The following COL25A1 variants were observed in gnomAD, a reference collection of about 807,000 sequenced individuals.
COL25A1 encodes the protein collagen alpha-1(XXV) chain.
In COL25A1, 103 loss-of-function variants were observed where a neutral mutation model predicts 128.4. The observed-to-expected ratio is 0.80, with a 90% CI of 0.68 to 0.94. COL25A1 has a LOEUF of 0.94. Among genes scored for constraint, COL25A1 ranks in the 40% least tolerant of loss-of-function variants. The probability of loss-of-function intolerance (pLI) is 0.00; values close to 1 mark genes in which losing one functional copy is unlikely to be tolerated. For synonymous variants in COL25A1, 279 were observed against 277.2 expected, an observed-to-expected ratio of 1.01 and a Z score of -0.06; for missense variants, 745 against 840.0, an observed-to-expected ratio of 0.89 and a Z score of 1.40.
intron 33 of COL25A1, among the ~76,000 whole-genome samples, chr4:108,826,815 G>A (rs941529768): frequency 1.3e-5 from 2 of 152,022 alleles, no homozygotes; most frequent in Non-Finnish European, 2.9e-5. Flanking sequence ...CCAGTTATGA[G>A]TGTCCAGTCA....
intron 6 of COL25A1, among the ~76,000 whole-genome samples, chr4:108,980,814 A>T (rs984361975): frequency 6.6e-6 from 1 of 152,250 alleles, no homozygotes; most frequent in Non-Finnish European, 1.5e-5. Context: ...CTGCTGTACA[A>T]GCCGTCCTCT....
chr4:109,286,859 G>A (rs1418412077), intron 3 of COL25A1, among the ~76,000 whole-genome samples: 1 of 152,140 alleles, frequency 6.6e-6, no homozygotes, highest in Non-Finnish European at 1.5e-5. Flanking sequence ...TTCTGCCTTC[G>A]CTAGAAAACA....
At chr4:109,099,679 A>G (rs978745093) in intron 3 of COL25A1, among the ~76,000 whole-genome samples, 1 of 151,916 alleles carries the variant, frequency 6.6e-6, no homozygotes, top group Non-Finnish European at 1.5e-5. Flanking sequence ...AGTCTTTTAC[A>G]TATCCCAAAA....
chr4:109,246,897 G>GT (rs1560925292), intron 3 of COL25A1, among the ~76,000 whole-genome samples: 1 of 152,124 alleles, frequency 6.6e-6, no homozygotes, highest in Non-Finnish European at 1.5e-5. Context: ...GGAATGCAAG[G>GT]TAGGTTCAGA....
intron 5 of COL25A1, among the ~76,000 whole-genome samples, chr4:109,011,743 A>G (rs771573237): frequency 6.6e-6 from 1 of 152,230 alleles, no homozygotes; most frequent in Non-Finnish European, 1.5e-5. Context: ...CTTTCGGCCT[A>G]GAAGTTTAAG....
At chr4:108,814,789 C>A (rs1423501788) in intron 37 of COL25A1, among the ~76,000 whole-genome samples, 1 of 151,904 alleles carries the variant, frequency 6.6e-6, no homozygotes, top group African/African-American at 2.4e-5. Context: ...ACTTAAAATT[C>A]AAATTGTGGC....
chr4:109,132,683 T>C (rs749984288), intron 3 of COL25A1, among the ~76,000 whole-genome samples: 2 of 152,188 alleles, frequency 1.3e-5, no homozygotes, highest in African/African-American at 2.4e-5. Context: ...TTCTGGGTTA[T>C]GCATTATCCT....
intron 3 of COL25A1, among the ~76,000 whole-genome samples, chr4:109,198,885 A>G (rs1776331031): frequency 6.6e-6 from 1 of 152,178 alleles, no homozygotes; most frequent in Non-Finnish European, 1.5e-5. Context: ...ATAATACAGT[A>G]CAGCTCTTCC....
intron 5 of COL25A1, among the ~76,000 whole-genome samples, chr4:109,013,851 G>A (rs78350849): frequency 1.2e-4 from 19 of 152,254 alleles, no homozygotes; most frequent in Admixed American, 3.3e-4. Flanking sequence ...ATGAGAATCC[G>A]TGGCTTCATT....
intron 3 of COL25A1, among the ~76,000 whole-genome samples, chr4:109,293,002 A>G (rs1032166497): frequency 3.9e-5 from 6 of 152,050 alleles, no homozygotes; most frequent in Non-Finnish European, 7.4e-5. Context: ...TCTTATGATC[A>G]TATCATATAT....
chr4:108,944,731 T>C (rs1397983003), intron 8 of COL25A1, among the ~76,000 whole-genome samples: 1 of 151,840 alleles, frequency 6.6e-6, no homozygotes, highest in African/African-American at 2.4e-5. Context: ...AACTCCTTAG[T>C]TTGGGTTCTA....
At chr4:108,861,693 C>T (rs1737242325) in intron 22 of COL25A1, among the ~76,000 whole-genome samples, 1 of 152,184 alleles carries the variant, frequency 6.6e-6, no homozygotes, top group African/African-American at 2.4e-5. Context: ...CCTCAAAATT[C>T]TTAGAAATGT....
intron 3 of COL25A1, among the ~76,000 whole-genome samples, chr4:109,175,796 A>T (rs1774038497): frequency 6.6e-6 from 1 of 152,236 alleles, no homozygotes; most frequent in Non-Finnish European, 1.5e-5. Context: ...GAAGACATAC[A>T]GATGTCTAGT....
chr4:108,989,745 C>CAA lies in COL25A1; in HGVS notation c.439-15188_439-15187dup, dbSNP rs1753989505. Among the ~76,000 whole-genome samples the CAA allele has an allele frequency of 2.6e-5, 4 of 152,206 alleles. No homozygotes were observed. In the South Asian group the frequency reaches 6.2e-4, roughly 24 times the overall value. Reference sequence around the variant, plus strand: ...CCTACCCAAAAGAGAGAAAACAGAACAACATGTTTCTGGAACTGTTTTTCT... The same window carrying CAA: ...CCTACCCAAAAGAGAGAAAACAGAACAAAACATGTTTCTGGAACTGTTTTTCT... On this transcript the variant is annotated intron_variant, in intron 6 of 37. Coordinates refer to ENST00000399132, the MANE Select transcript of COL25A1 (RefSeq NM_198721.4).
At chr4:109,032,596 A>T (rs1488296698) in intron 5 of COL25A1, among the ~76,000 whole-genome samples, 1 of 152,230 alleles carries the variant, frequency 6.6e-6, no homozygotes, top group Non-Finnish European at 1.5e-5. Flanking sequence ...ACCTTAATTT[A>T]TTTTAACAGA....
rs1724287335 is a variant in COL25A1 at position 109,289,836 on chromosome 4, A to T, written c.367+10747T>A. ...CCACTCTGCTTGCCAACCACGGATCACGTTAGGGCAATGCTTGTTGATTAA... is the reference window on the plus strand; with the variant it reads ...CCACTCTGCTTGCCAACCACGGATCTCGTTAGGGCAATGCTTGTTGATTAA... On this transcript the variant is annotated intron_variant, in intron 3 of 37. Transcript: ENST00000399132. Among the ~76,000 whole-genome samples the T allele has an allele frequency of 2.0e-5, 3 of 152,022 alleles. No individual in the cohort carries two copies. In the South Asian group the frequency reaches 6.2e-4, roughly 32 times the overall value.
At chr4:109,274,035 C>A (rs182658524) in intron 3 of COL25A1, among the ~76,000 whole-genome samples, 1 of 152,142 alleles carries the variant, frequency 6.6e-6, no homozygotes. Flanking sequence ...TGGCAAAAAA[C>A]GGAACTATTA....
At chr4:109,180,937 G>C (rs1381398785) in intron 3 of COL25A1, among the ~76,000 whole-genome samples, 1 of 152,008 alleles carries the variant, frequency 6.6e-6, no homozygotes, top group Non-Finnish European at 1.5e-5. Context: ...TTTTTCTGAA[G>C]AAGAGGTAGA....
At chr4:109,132,542 T>C (rs1175037520) in intron 3 of COL25A1, among the ~76,000 whole-genome samples, 1 of 152,190 alleles carries the variant, frequency 6.6e-6, no homozygotes, top group Non-Finnish European at 1.5e-5. Flanking sequence ...ACATTTTAAA[T>C]GGATTCTATT....
Sources: allele counts gnomAD v4.1 joint callset (sites outside exome capture counted in the v4.1 genomes callset), GRCh38; gene constraint gnomAD v4.1.1; transcripts MANE v1.5; gene names NCBI Gene and HGNC (gene_info 2026-07-23, HGNC 2026-07-21).